Variants in SYT9 observed in about 807,000 individuals in gnomAD.
The protein encoded by SYT9 is synaptotagmin 9.
SYT9 carries 22 observed loss-of-function variants against 48.4 expected under a neutral mutation model. The observed-to-expected ratio is 0.45, with a 90% confidence interval of 0.32 to 0.65. SYT9 has a LOEUF of 0.65. Among genes scored for constraint, SYT9 ranks in the 30% least tolerant of loss-of-function variants. The pLI, the probability that SYT9 is intolerant of heterozygous loss-of-function variation, is 0.03. For missense variants in SYT9, 577 were observed against 622.0 expected (o/e 0.93, Z 0.77); for synonymous variants, 265 against 245.0 (o/e 1.08, Z -0.76).
At chr11:7,269,375 A>C (rs1397284566) in intron 1 of SYT9, among the ~76,000 whole-genome samples, 1 of 152,172 alleles carries the variant, frequency 6.6e-6, no homozygotes, top group African/African-American at 2.4e-5. Context: ...TAATCATTTT[A>C]TCATCAGAAT....
At chr11:7,459,100 G>A (rs906740311) in intron 6 of SYT9, among the ~76,000 whole-genome samples, 5 of 152,150 alleles carry the variant, frequency 3.3e-5, no homozygotes, top group Admixed American at 1.3e-4. Context: ...TTTTCTGTAG[G>A]GTATGAGAGA....
intron 1 of SYT9, among the ~76,000 whole-genome samples, chr11:7,291,364 T>A (rs1428876181): frequency 1.3e-5 from 2 of 152,200 alleles, no homozygotes; most frequent in Non-Finnish European, 2.9e-5. Flanking sequence ...TCTTTGACTC[T>A]AAAGGGCAGC....
At chr11:7,240,303 C>T (rs942275653) in intron 1 of SYT9, among the ~76,000 whole-genome samples, 3 of 152,086 alleles carry the variant, frequency 2.0e-5, no homozygotes, top group African/African-American at 7.2e-5. Context: ...TTTTAACTTG[C>T]GTCTGTGTTT....
intron 3 of SYT9, among the ~76,000 whole-genome samples, chr11:7,348,400 G>T (rs1318228858): frequency 6.6e-6 from 1 of 152,166 alleles, no homozygotes; most frequent in South Asian, 2.1e-4. Context: ...ATCATTTCGG[G>T]TCAGTTTGCA....
At position 7,468,618 on chromosome 11, in the gene SYT9, C is replaced by T. The variant is rs1014525576; in HGVS notation, c.*1818C>T. 1.1e-5 allele frequency: 3 copies of T among 272,930 alleles called. No individual in the cohort carries two copies. The highest frequency in any genetic ancestry group is 6.6e-5 in the African/African-American group (3 of 45,480). 16.9% of individuals were successfully genotyped at this position (272,930 alleles called of 1,614,324 possible). ...GTCTGTAAAGCTAGGCAGATGAGCC[C>T]AGAAGAATGGTCCCAGAGAAAGCAG... On this transcript the variant is annotated 3_prime_UTR_variant, in exon 7 of 7. Transcript: ENST00000318881.
chr11:7,278,910 G>C (rs1848445587), intron 1 of SYT9, among the ~76,000 whole-genome samples: 1 of 152,222 alleles, frequency 6.6e-6, no homozygotes, highest in African/African-American at 2.4e-5. Context: ...ATTCTGTGAA[G>C]ATATTTTCAG....
At chr11:7,373,521 G>C (rs934491913) in intron 3 of SYT9, among the ~76,000 whole-genome samples, 1 of 152,046 alleles carries the variant, frequency 6.6e-6, no homozygotes, top group Non-Finnish European at 1.5e-5. Flanking sequence ...CCAAGCATAG[G>C]CTTTGTCTCT....
chr11:7,285,201 A>G (rs987178090), intron 1 of SYT9, among the ~76,000 whole-genome samples: 3 of 152,314 alleles, frequency 2.0e-5, no homozygotes, highest in East Asian at 1.9e-4. Flanking sequence ...CTGTGAAGAA[A>G]TACCCAAGAC....
intron 1 of SYT9, among the ~76,000 whole-genome samples, chr11:7,259,987 T>G (rs1384900378): frequency 6.6e-6 from 1 of 152,172 alleles, no homozygotes. Flanking sequence ...TTGAATCTCT[T>G]TTTCTTTATG....
At chr11:7,466,469 T>C (rs1480020132) in intron 6 of SYT9, among the ~76,000 whole-genome samples, 3 of 152,110 alleles carry the variant, frequency 2.0e-5, no homozygotes, top group Non-Finnish European at 4.4e-5. Flanking sequence ...ACGCCTGTAA[T>C]CCCACCACTT....
At chr11:7,285,281 C>T (rs763506229) in intron 1 of SYT9, among the ~76,000 whole-genome samples, 9 of 152,152 alleles carry the variant, frequency 5.9e-5, no homozygotes, top group Non-Finnish European at 1.2e-4. Flanking sequence ...CCTCAGGAAA[C>T]TTACAATCAT....
chr11:7,241,813 A>G (rs1202194062), intron 1 of SYT9, among the ~76,000 whole-genome samples: 2 of 152,246 alleles, frequency 1.3e-5, no homozygotes, highest in African/African-American at 2.4e-5. Flanking sequence ...GAAAGACTGT[A>G]TATCAAATTT....
At chr11:7,254,814 G>A (rs1847937237) in intron 1 of SYT9, among the ~76,000 whole-genome samples, 1 of 152,134 alleles carries the variant, frequency 6.6e-6, no homozygotes, top group Non-Finnish European at 1.5e-5. Flanking sequence ...ATTTCCTGTG[G>A]ACAGCAAAGT....
At chr11:7,383,665 A>ATT (rs55820439) in intron 3 of SYT9, among the ~76,000 whole-genome samples, 3 of 151,914 alleles carry the variant, frequency 2.0e-5, no homozygotes, top group Non-Finnish European at 4.4e-5. Flanking sequence ...GCATAAAGAC[A>ATT]TTTTCTCATT....
chr11:7,407,852 T>C (rs76459945), intron 3 of SYT9, among the ~76,000 whole-genome samples: 3,378 of 152,306 alleles, frequency 0.022, 113 homozygotes, highest in African/African-American at 0.073. Context: ...CATGGATTCA[T>C]TTCTGTACTA....
At chr11:7,381,915 C>T (rs747911664) in intron 3 of SYT9, among the ~76,000 whole-genome samples, 1 of 152,172 alleles carries the variant, frequency 6.6e-6, no homozygotes, top group Non-Finnish European at 1.5e-5. Flanking sequence ...ACTGGTACTC[C>T]AGAAGCCTTT....
Position 7,395,467 on chromosome 11 carries a change from A to G in SYT9, c.1045-20575A>G, listed in dbSNP as rs79278524. ...TGGGATGTTGAAGTTTCCCACTATT[A>G]TTGTGTGACTGTCTAAGTCTTTTCC... On this transcript the variant is annotated intron_variant, in intron 3 of 6. Transcript: ENST00000318881. Among the ~76,000 whole-genome samples the G allele has an allele frequency of 2.4e-3, 362 of 152,044 alleles. 2 individuals carry two copies. The highest frequency in any genetic ancestry group is 8.3e-3 in the African/African-American group (345 of 41,486).
chr11:7,428,623 A>T (rs544904361), intron 6 of SYT9, among the ~76,000 whole-genome samples: 1 of 152,328 alleles, frequency 6.6e-6, no homozygotes, highest in African/African-American at 2.4e-5. Flanking sequence ...GCACTTGTCA[A>T]ATGCTGTCTT....
At chr11:7,409,608 T>C (rs1218820897) in intron 3 of SYT9, among the ~76,000 whole-genome samples, 2 of 152,174 alleles carry the variant, frequency 1.3e-5, no homozygotes, top group African/African-American at 4.8e-5. Flanking sequence ...GTAGCTTGTA[T>C]ATTTCCAGAA....
Sources: allele counts gnomAD v4.1 joint callset (sites outside exome capture counted in the v4.1 genomes callset), GRCh38; gene constraint gnomAD v4.1.1; transcripts MANE v1.5; gene names NCBI Gene and HGNC (gene_info 2026-07-23, HGNC 2026-07-21).